The following AKAIN1 variants were observed in gnomAD, a reference collection of about 807,000 sequenced individuals.
AKAIN1 encodes the protein A-kinase anchor inhibitor 1, also known as A-kinase anchor protein inhibitor 1.
A neutral mutation model predicts 3.7 loss-of-function variants in AKAIN1; 3 were observed. The ratio of observed to expected loss-of-function variants is 0.82; its 90% confidence interval spans 0.37 to 2.12. The LOEUF (loss-of-function observed/expected upper bound fraction) is 2.12, where lower values mean the gene tolerates loss of function less well. AKAIN1 is among the 30% of genes most tolerant of loss of function. AKAIN1 has a pLI of 0.06. For synonymous variants in AKAIN1, 31 were observed against 30.8 expected (o/e 1.01, Z -0.02); for missense variants, 82 against 82.7 (o/e 0.99, Z 0.03).
At chr18:5,189,839 A>G (rs1037503448) in intron 1 of AKAIN1, among the ~76,000 whole-genome samples, 7 of 151,828 alleles carry the variant, frequency 4.6e-5, no homozygotes, top group African/African-American at 1.7e-4. Flanking sequence ...TGCTCCTCCA[A>G]ATTCTTCCAG....
intron 1 of AKAIN1, among the ~76,000 whole-genome samples, chr18:5,161,232 A>T (rs1310503357): frequency 1.3e-5 from 2 of 152,128 alleles, no homozygotes; most frequent in Non-Finnish European, 2.9e-5. Context: ...TTAATTAAAA[A>T]AAATTATGTT....
chr18:5,176,134 T>G (rs910956141), intron 1 of AKAIN1, among the ~76,000 whole-genome samples: 3 of 151,998 alleles, frequency 2.0e-5, no homozygotes, highest in Admixed American at 6.6e-5. Flanking sequence ...TTTACCAAAC[T>G]GACAAATAAA....
At chr18:5,174,264 GCA>G (rs1412004061) in intron 1 of AKAIN1, among the ~76,000 whole-genome samples, 1 of 152,132 alleles carries the variant, frequency 6.6e-6, no homozygotes, top group African/African-American at 2.4e-5. Context: ...AAGAGGCAGT[GCA>G]CATAGAATTC....
rs146667441 is a variant in AKAIN1, at chr18:5,195,793, C to T, written c.16+1245G>A. 9.2e-5 allele frequency among the ~76,000 whole-genome samples: 14 copies of T among 152,214 alleles called. No individual in the cohort carries two copies. The East Asian group carries it at 2.3e-3, about 25-fold the overall frequency. ...TCCAGTGTTGATTGAATGTCCTTTG[C>T]TATATGGAACAATTTCCTCCCTTGA... On this transcript the variant is annotated intron_variant, in intron 1 of 1. Coordinates refer to ENST00000434239, the MANE Select transcript of AKAIN1 (RefSeq NM_001145194.2).
chr18:5,152,399 G>A (rs530214681), intron 1 of AKAIN1, among the ~76,000 whole-genome samples: 1 of 152,104 alleles, frequency 6.6e-6, no homozygotes, highest in Non-Finnish European at 1.5e-5. Flanking sequence ...ACTTCACCCT[G>A]CACTCTTTGA....
chr18:5,147,475 T>A (rs2071055792), intron 1 of AKAIN1, among the ~76,000 whole-genome samples: 1 of 152,192 alleles, frequency 6.6e-6, no homozygotes, highest in Non-Finnish European at 1.5e-5. Context: ...TGGACATCAT[T>A]TCTTATTTAA....
intron 1 of AKAIN1, among the ~76,000 whole-genome samples, chr18:5,174,595 G>A (rs375075876): frequency 8.5e-5 from 13 of 152,130 alleles, no homozygotes; most frequent in East Asian, 5.8e-4. Flanking sequence ...ACAAAAATTA[G>A]CAGAGCATGG....
At chr18:5,175,011 C>T (rs768859295) in intron 1 of AKAIN1, among the ~76,000 whole-genome samples, 8 of 152,124 alleles carry the variant, frequency 5.3e-5, no homozygotes, top group Non-Finnish European at 8.8e-5. Flanking sequence ...GGTAGGTAGC[C>T]AGTGTAGCCG....
Position 5,144,270 on chromosome 18 carries a change from C to T in AKAIN1, c.*1292G>A, listed in dbSNP as rs565919638. On this transcript the variant is annotated 3_prime_UTR_variant, in exon 2 of 2. Transcript: ENST00000434239. ...CTTAATATCAGTCACAATTTATACC[C>T]GAATACTTTGCTTTAAAAAAAAATC... Among the ~76,000 whole-genome samples the T allele has an allele frequency of 2.0e-5, 3 of 152,186 alleles. No homozygotes were observed. Among genetic ancestry groups the T allele is most frequent in the African/African-American group, 4.8e-5 (2 of 41,512 alleles).
At chr18:5,167,019 T>C (rs1042887847) in intron 1 of AKAIN1, among the ~76,000 whole-genome samples, 3 of 152,170 alleles carry the variant, frequency 2.0e-5, no homozygotes, top group African/African-American at 2.4e-5. Context: ...TAGTAAATGA[T>C]ACATGAAGGA....
chr18:5,152,947 C>A lies in AKAIN1; in HGVS notation c.17-7192G>T, dbSNP rs2071087755. On this transcript the variant is annotated intron_variant, in intron 1 of 1. Transcript: ENST00000434239. ...GTAAAGCAGCCATGTTTCCTCATAT[C>A]TGTGCCACCCAGCATAGCTTCAGTA... Among the ~76,000 whole-genome samples, 7 of 152,164 alleles carry A rather than the reference C, an allele frequency of 4.6e-5. No individual in the cohort carries two copies. The South Asian group carries it at 1.4e-3, about 32-fold the overall frequency.
At chr18:5,177,069 T>C (rs420591) in intron 1 of AKAIN1, among the ~76,000 whole-genome samples, 63,317 of 151,492 alleles carry the variant, frequency 0.42, 13,750 homozygotes, top group East Asian at 0.52. Context: ...CCAGTGGCAG[T>C]AGTGGGCTCA....
chr18:5,155,360 T>G (rs1416063577), intron 1 of AKAIN1, among the ~76,000 whole-genome samples: 1 of 152,068 alleles, frequency 6.6e-6, no homozygotes, highest in Non-Finnish European at 1.5e-5. Flanking sequence ...CCGGGAGAGG[T>G]ATGAATCTCA....
chr18:5,186,721 T>A (rs948577430), intron 1 of AKAIN1, among the ~76,000 whole-genome samples: 2 of 152,150 alleles, frequency 1.3e-5, no homozygotes, highest in Admixed American at 6.6e-5. Flanking sequence ...GCATTCCACC[T>A]GAAAGAGTAA....
chr18:5,146,377 T>C (rs936128285), intron 1 of AKAIN1, among the ~76,000 whole-genome samples: 2 of 152,214 alleles, frequency 1.3e-5, no homozygotes, highest in African/African-American at 2.4e-5. Context: ...ACACTGAACA[T>C]CTGTACCAGC....
At chr18:5,183,649 G>A (rs1284796095) in intron 1 of AKAIN1, among the ~76,000 whole-genome samples, 1 of 151,916 alleles carries the variant, frequency 6.6e-6, no homozygotes, top group African/African-American at 2.4e-5. Context: ...GGAAAATAAT[G>A]CAAAGTTGAT....
At chr18:5,171,512 A>T (rs980600399) in intron 1 of AKAIN1, among the ~76,000 whole-genome samples, 26 of 152,152 alleles carry the variant, frequency 1.7e-4, no homozygotes, top group African/African-American at 6.3e-4. Context: ...TAATAATCCA[A>T]TAAAAAATGG....
chr18:5,151,380 C>T (rs1158413839), intron 1 of AKAIN1, among the ~76,000 whole-genome samples: 1 of 152,188 alleles, frequency 6.6e-6, no homozygotes, highest in Non-Finnish European at 1.5e-5. Flanking sequence ...TCTACACCAA[C>T]TGCAAATAAA....
intron 1 of AKAIN1, among the ~76,000 whole-genome samples, chr18:5,155,667 G>A (rs1207137523): frequency 6.6e-6 from 1 of 152,186 alleles, no homozygotes; most frequent in African/African-American, 2.4e-5. Context: ...CAAACCACCA[G>A]GCTGGCCCGA....
Sources: gnomAD v4.1 joint callset for allele counts (sites outside exome capture counted in the v4.1 genomes callset) on GRCh38, gnomAD v4.1.1 for gene constraint, MANE v1.5 for transcripts, NCBI Gene and HGNC (gene_info 2026-07-23, HGNC 2026-07-21) for gene names.